The following CNTNAP2 variants were observed in gnomAD, a reference collection of about 807,000 sequenced individuals.
CNTNAP2 encodes contactin-associated protein-like 2.
A neutral mutation model predicts 155.2 loss-of-function variants in CNTNAP2; 98 were observed. The observed-to-expected ratio is 0.63, with a 90% CI of 0.54 to 0.75. CNTNAP2 has a LOEUF of 0.75. Ranked by LOEUF, CNTNAP2 falls within the 30% of genes least tolerant of loss-of-function variation. The pLI is 0.00. For synonymous variants in CNTNAP2, 651 were observed against 631.2 expected, an observed-to-expected ratio of 1.03 and a Z score of -0.47; for missense variants, 1,727 against 1,688.1, an observed-to-expected ratio of 1.02 and a Z score of -0.40.
chr7:146,155,047 C>T (rs968500882), intron 1 of CNTNAP2, among the ~76,000 whole-genome samples: 12 of 152,252 alleles, frequency 7.9e-5, no homozygotes, highest in African/African-American at 2.6e-4. Flanking sequence ...CTAATTGCTT[C>T]AACAGAGTTT....
intron 1 of CNTNAP2, among the ~76,000 whole-genome samples, chr7:146,615,846 G>A (rs1214746281): frequency 6.6e-6 from 1 of 152,162 alleles, no homozygotes; most frequent in South Asian, 2.1e-4. Context: ...TGCTACGGTG[G>A]TAGTCTGCTC....
At chr7:147,364,357 A>T (rs1273792979) in intron 9 of CNTNAP2, among the ~76,000 whole-genome samples, 3 of 152,232 alleles carry the variant, frequency 2.0e-5, no homozygotes, top group African/African-American at 7.2e-5. Flanking sequence ...ATTTGTTCAC[A>T]TATCATTACA....
chr7:148,250,527 C>T (rs753750471), intron 20 of CNTNAP2, among the ~76,000 whole-genome samples: 26 of 152,208 alleles, frequency 1.7e-4, no homozygotes, highest in Admixed American at 1.0e-3. Flanking sequence ...CCTTCCCACA[C>T]GATGCACTCG....
chr7:147,794,872 A>G (rs1797869804), intron 13 of CNTNAP2, among the ~76,000 whole-genome samples: 1 of 151,556 alleles, frequency 6.6e-6, no homozygotes, highest in Admixed American at 6.6e-5. Flanking sequence ...ATTTGTTGGC[A>G]TATATTAGTT....
At chr7:147,224,330 A>G (rs1467050757) in intron 8 of CNTNAP2, among the ~76,000 whole-genome samples, 2 of 152,234 alleles carry the variant, frequency 1.3e-5, no homozygotes, top group Non-Finnish European at 2.9e-5. Context: ...AAAAATCAAA[A>G]CAATGATATA....
intron 1 of CNTNAP2, among the ~76,000 whole-genome samples, chr7:146,693,253 T>G (rs1477604703): frequency 2.0e-5 from 3 of 152,180 alleles, no homozygotes; most frequent in African/African-American, 7.2e-5. Flanking sequence ...AAATTTATGC[T>G]AAGAATTAAG....
At chr7:147,154,864 ATATAGT>A (rs971846973) in intron 8 of CNTNAP2, among the ~76,000 whole-genome samples, 27 of 152,090 alleles carry the variant, frequency 1.8e-4, no homozygotes, top group African/African-American at 6.5e-4. Context: ...AAACAAAAAC[ATATAGT>A]TAGATTATGT....
chr7:146,327,190 G>C (rs1048298716), intron 1 of CNTNAP2, among the ~76,000 whole-genome samples: 1 of 152,050 alleles, frequency 6.6e-6, no homozygotes, highest in African/African-American at 2.4e-5. Context: ...AATATTTATA[G>C]GACTCCATGG....
At chr7:148,129,623 T>C (rs546014257) in intron 16 of CNTNAP2, among the ~76,000 whole-genome samples, 4 of 152,204 alleles carry the variant, frequency 2.6e-5, no homozygotes, top group Non-Finnish European at 4.4e-5. Context: ...ACAAAAAAGT[T>C]AATAAATCAC....
At chr7:147,136,073 C>T (rs1473910915) in intron 8 of CNTNAP2, among the ~76,000 whole-genome samples, 3 of 150,352 alleles carry the variant, frequency 2.0e-5, no homozygotes, top group African/African-American at 7.3e-5. Flanking sequence ...TTTCAAAATG[C>T]CTCAATTTTA....
chr7:147,110,162 T>G (rs1395106803), intron 5 of CNTNAP2, among the ~76,000 whole-genome samples: 1 of 152,106 alleles, frequency 6.6e-6, no homozygotes, highest in Non-Finnish European at 1.5e-5. Flanking sequence ...TGACCTCAAA[T>G]GATCCACCTG....
chr7:147,062,174 G>T (rs139578053), intron 4 of CNTNAP2, among the ~76,000 whole-genome samples: 8,120 of 89,302 alleles, frequency 0.091, 390 homozygotes, highest in Middle Eastern at 0.28. Flanking sequence ...AAAAAAACCA[G>T]TTCTTTATGA....
At chr7:146,272,965 C>T (rs943007093) in intron 1 of CNTNAP2, among the ~76,000 whole-genome samples, 5 of 151,588 alleles carry the variant, frequency 3.3e-5, no homozygotes, top group South Asian at 2.1e-4. Flanking sequence ...CACCAAGAAG[C>T]GAGAGGTATA....
At chr7:147,666,151 T>C (rs1446557533) in intron 13 of CNTNAP2, among the ~76,000 whole-genome samples, 1 of 152,092 alleles carries the variant, frequency 6.6e-6, no homozygotes, top group Non-Finnish European at 1.5e-5. Flanking sequence ...CAATCAGAAA[T>C]GAGATATCAA....
intron 1 of CNTNAP2, among the ~76,000 whole-genome samples, chr7:146,471,229 CT>C (rs1796792960): frequency 6.6e-6 from 1 of 152,192 alleles, no homozygotes; most frequent in African/African-American, 2.4e-5. Flanking sequence ...AGAACTTGCT[CT>C]TGTTCTCCAT....
At chr7:147,209,001 T>C (rs188165063) in intron 8 of CNTNAP2, among the ~76,000 whole-genome samples, 2 of 152,138 alleles carry the variant, frequency 1.3e-5, no homozygotes, top group Non-Finnish European at 2.9e-5. Flanking sequence ...GTTAGATATA[T>C]AATCTGTTTG....
chr7:147,085,549 C>T (rs1353379394), intron 4 of CNTNAP2: 1 of 152,270 alleles, frequency 6.6e-6, no homozygotes, highest in Non-Finnish European at 1.5e-5. Context: ...GAAAAATTGT[C>T]TCCCAAAACA....
At chr7:146,144,400 C>T (rs1054354484) in intron 1 of CNTNAP2, among the ~76,000 whole-genome samples, 2 of 152,146 alleles carry the variant, frequency 1.3e-5, no homozygotes, top group African/African-American at 4.8e-5. Flanking sequence ...CTTCTGCCTG[C>T]TTCAGCCTCC....
intron 13 of CNTNAP2, among the ~76,000 whole-genome samples, chr7:147,828,764 G>A (rs1206880970): frequency 6.6e-6 from 1 of 152,092 alleles, no homozygotes; most frequent in Admixed American, 6.5e-5. Context: ...AGTAATTAAA[G>A]TCTTAAATGT....
Sources: gnomAD v4.1 joint callset for allele counts (sites outside exome capture counted in the v4.1 genomes callset) on GRCh38, gnomAD v4.1.1 for gene constraint, MANE v1.5 for transcripts, NCBI Gene and HGNC (gene_info 2026-07-23, HGNC 2026-07-21) for gene names.